The following PTPN12 variants were observed in gnomAD, a reference collection of about 807,000 sequenced individuals.
PTPN12 encodes the protein protein tyrosine phosphatase non-receptor type 12.
PTPN12 carries 29 observed loss-of-function variants against 97.6 expected under a neutral mutation model. The ratio of observed to expected loss-of-function variants is 0.30; its 90% confidence interval spans 0.22 to 0.41. PTPN12 has a LOEUF of 0.41. Ranked by LOEUF, PTPN12 falls within the 10% of genes least tolerant of loss-of-function variation. The probability of loss-of-function intolerance (pLI) is 1.00; values close to 1 mark genes in which losing one functional copy is unlikely to be tolerated. For missense variants in PTPN12, 819 were observed against 926.0 expected, an observed-to-expected ratio of 0.88 and a Z score of 1.50; for synonymous variants, 327 against 300.4, an observed-to-expected ratio of 1.09 and a Z score of -0.91.
chr7:77,541,422 T>C (rs117420478), intron 1 of PTPN12, among the ~76,000 whole-genome samples: 2,786 of 152,286 alleles, frequency 0.018, 34 homozygotes, highest in Middle Eastern at 0.071. Context: ...ATCTTAATTT[T>C]GTTTCTTTAT....
chr7:77,623,753 T>G, intron 12 of PTPN12, among the ~76,000 whole-genome samples: 1 of 152,182 alleles, frequency 6.6e-6, no homozygotes, highest in East Asian at 1.9e-4. Flanking sequence ...TATGGAAAAG[T>G]GGTCTCACCA....
intron 11 of PTPN12, among the ~76,000 whole-genome samples, chr7:77,612,045 A>C (rs892160201): frequency 1.3e-5 from 2 of 150,112 alleles, no homozygotes; most frequent in Non-Finnish European, 1.5e-5. Flanking sequence ...TAACTATTAC[A>C]TTGTTAAACC....
At chr7:77,605,409 G>GGGTTTTTTT (rs1554321255) in intron 8 of PTPN12, among the ~76,000 whole-genome samples, 1 of 95,560 alleles carries the variant, frequency 1.0e-5, no homozygotes, top group Non-Finnish European at 2.0e-5. Context: ...TTTGTCATGA[G>GGGTTTTTTT]TTTTTTTTTT....
At chr7:77,636,536 C>G (rs1171067527) in intron 15 of PTPN12, among the ~76,000 whole-genome samples, 1 of 152,138 alleles carries the variant, frequency 6.6e-6, no homozygotes, top group Non-Finnish European at 1.5e-5. Context: ...GAGCCATGAT[C>G]ACACCACTGC....
In PTPN12 at chr7:77,549,855, T is replaced by C. The variant is rs188644141; in HGVS notation, c.99+12210T>C. Among the ~76,000 whole-genome samples the C allele has an allele frequency of 6.9e-4, 105 of 152,286 alleles. 1 individual carries two copies. Among genetic ancestry groups the C allele is most frequent in the African/African-American group, 2.5e-3 (103 of 41,554 alleles). On this transcript the variant is annotated intron_variant, in intron 1 of 17. Coordinates refer to ENST00000248594, the MANE Select transcript of PTPN12 (RefSeq NM_002835.4). ...CTTGGCTCCCCAAGTGCTGGGATTATAGGTGTGAGCGACTGTGCCTGGCCC... is the reference window on the plus strand; with the variant it reads ...CTTGGCTCCCCAAGTGCTGGGATTACAGGTGTGAGCGACTGTGCCTGGCCC...
At chr7:77,564,744 G>GTTTTTTT (rs1329627463) in intron 1 of PTPN12, among the ~76,000 whole-genome samples, 4 of 34,360 alleles carry the variant, frequency 1.2e-4, no homozygotes, top group East Asian at 1.3e-3. Context: ...TTTTGTTGTC[G>GTTTTTTT]TGTTTTTTTT....
Position 77,565,639 on chromosome 7 carries a change from A to G in PTPN12, c.100-5439A>G, listed in dbSNP as rs566998347. Among the ~76,000 whole-genome samples, 10 of 152,320 alleles carry G rather than the reference A, an allele frequency of 6.6e-5. No homozygotes were observed. The South Asian group carries it at 1.5e-3, about 22-fold the overall frequency. ...ACTGTTCCACTCTTTTAAGAACTTG[A>G]ATCTTGACACACAAGTGGGTATCTT... On this transcript the variant is annotated intron_variant, in intron 1 of 17. Coordinates refer to ENST00000248594, the MANE Select transcript of PTPN12 (RefSeq NM_002835.4).
chr7:77,585,568 T>A lies in PTPN12; in HGVS notation c.407T>A (p.Phe136Tyr), dbSNP rs1029258074. Residue 136 changes from phenylalanine to tyrosine, a missense_variant, in exon 5 of 18, where the codon TTT becomes TAT. Physicochemically the swap from Phe to Tyr is conservative, Grantham distance 22 (BLOSUM62 3). Transcript: ENST00000248594. ...ATCATTGTAATGGCCTGCCGAGAAT[T>A]TGAGATGGGAAGGGTATGTATAATC... Reference protein sequence around the residue: ...VVIIVMACREFEMGRKKCERY... With the variant: ...VVIIVMACREYEMGRKKCERY... 6.2e-7 allele frequency: 1 copy of A among 1,606,340 alleles called. No homozygotes were observed. Among genetic ancestry groups the A allele is most frequent in the Admixed American group, 1.7e-5 (1 of 59,966 alleles).
intron 11 of PTPN12, among the ~76,000 whole-genome samples, chr7:77,613,890 G>GGTTTT (rs527268041): frequency 2.5e-3 from 387 of 151,840 alleles, no homozygotes; most frequent in Middle Eastern, 0.01. Flanking sequence ...TCAGTGTTTG[G>GGTTTT]GTTTTGTTTT....
At chr7:77,605,491 C>G (rs1788340400) in intron 8 of PTPN12, among the ~76,000 whole-genome samples, 1 of 137,784 alleles carries the variant, frequency 7.3e-6, no homozygotes, top group Non-Finnish European at 1.5e-5. Flanking sequence ...GTGATCTCAG[C>G]TCACTGCAAC....
At chr7:77,624,515 C>T (rs753934643) in intron 12 of PTPN12, among the ~76,000 whole-genome samples, 3 of 151,996 alleles carry the variant, frequency 2.0e-5, no homozygotes, top group African/African-American at 4.8e-5. Flanking sequence ...TCTCAGCTCA[C>T]TGCAACCTCT....
At position 77,537,349 on chromosome 7, in the gene PTPN12, T is replaced by G; in HGVS notation, c.-198T>G. On this transcript the variant is annotated 5_prime_UTR_variant, in exon 1 of 18. Coordinates refer to ENST00000248594, the MANE Select transcript of PTPN12 (RefSeq NM_002835.4). Reference sequence around the variant, plus strand: ...GGAGAGCGGCGGCTGCTCCTGGAAGTTGTGGTGTCGGGAGCCCAGCCGGTG... The same window carrying G: ...GGAGAGCGGCGGCTGCTCCTGGAAGGTGTGGTGTCGGGAGCCCAGCCGGTG... 6.9e-6 allele frequency: 4 copies of G among 583,270 alleles called. No individual in the cohort carries two copies. Among genetic ancestry groups the G allele is most frequent in the Non-Finnish European group, 1.1e-5 (4 of 377,236 alleles). The allele number at this position is 583,270 out of a possible 1,614,324, so 36.1% of individuals were successfully genotyped here. A position where few individuals can be genotyped will look rare whatever the true frequency, so the allele number is the denominator to read the frequency against.
At position 77,639,776 on chromosome 7, in the gene PTPN12, G is replaced by C. The variant is rs1789731737; in HGVS notation, c.*496G>C. ...TAGTTTCTGAATTTTAAACTTGCTG[G>C]ATTCATGCAGCCAGCTTTGCAGGTT... is the stretch of plus-strand genomic sequence containing the variant. On this transcript the variant is annotated 3_prime_UTR_variant, in exon 18 of 18. Transcript: ENST00000248594. 6.5e-6 allele frequency: 1 copy of C among 152,710 alleles called. No individual in the cohort carries two copies. The highest frequency in any genetic ancestry group is 1.5e-5 in the Non-Finnish European group (1 of 68,138). The allele number at this position is 152,710 out of a possible 1,614,324, so 9.5% of individuals were successfully genotyped here.
At chr7:77,625,442 C>G (rs1410215485) in intron 12 of PTPN12, among the ~76,000 whole-genome samples, 1 of 126,932 alleles carries the variant, frequency 7.9e-6, no homozygotes, top group African/African-American at 3.0e-5. Flanking sequence ...GTTAAAGACA[C>G]AGGGTTTTGC....
In PTPN12 at chr7:77,637,141, T is replaced by C. The variant is rs189773768; in HGVS notation, c.2173+93T>C. On this transcript the variant is annotated intron_variant, in intron 16 of 17. Transcript: ENST00000248594. ...TGCTTCATAGTTCATGCTATATAGT[T>C]ATTTCTGTATGTGAAAATGTCTAGG... The C allele has an allele frequency of 1.3e-4, 130 of 999,306 alleles. No homozygotes were observed. In the African/African-American group the frequency reaches 1.9e-3, roughly 15 times the overall value. 61.9% of individuals were successfully genotyped at this position (999,306 alleles called of 1,614,324 possible).
chr7:77,574,713 A>G (rs933100206), intron 2 of PTPN12, among the ~76,000 whole-genome samples: 2 of 152,206 alleles, frequency 1.3e-5, no homozygotes, highest in Admixed American at 1.3e-4. Flanking sequence ...GACCTTGTCC[A>G]AGAGCTTGAG....
At chr7:77,619,784 G>A (rs189768470) in intron 12 of PTPN12, among the ~76,000 whole-genome samples, 3 of 152,112 alleles carry the variant, frequency 2.0e-5, no homozygotes, top group African/African-American at 7.2e-5. Flanking sequence ...TAAGTGTGGT[G>A]GTAGTTATAG....
intron 1 of PTPN12, among the ~76,000 whole-genome samples, chr7:77,546,943 A>G (rs1026817163): frequency 3.9e-5 from 6 of 152,254 alleles, no homozygotes; most frequent in Admixed American, 1.3e-4. Flanking sequence ...TTATAATTCA[A>G]GATGAGATTT....
chr7:77,632,497 A>T, intron 14 of PTPN12, 72 bp downstream of exon 14: 3 of 1,139,436 alleles, frequency 2.6e-6, no homozygotes, highest in South Asian at 2.5e-5. Context: ...ACCTGATTTT[A>T]ATCTATTAGC....
Sources: gnomAD v4.1 joint callset for allele counts (sites outside exome capture counted in the v4.1 genomes callset) on GRCh38, gnomAD v4.1.1 for gene constraint, MANE v1.5 for transcripts, NCBI Gene and HGNC (gene_info 2026-07-23, HGNC 2026-07-21) for gene names.